The following SSU72 variants were observed in gnomAD, a reference collection of about 807,000 sequenced individuals.
The protein encoded by SSU72 is RNA polymerase II subunit A C-terminal domain phosphatase SSU72.
A neutral mutation model predicts 22.7 loss-of-function variants in SSU72; 12 were observed. That is an observed-to-expected ratio of 0.53 (90% CI 0.34 to 0.86). SSU72 has a LOEUF of 0.86. Among genes scored for constraint, SSU72 ranks in the 40% least tolerant of loss-of-function variants. The pLI is 0.02. For synonymous variants in SSU72, 116 were observed against 98.3 expected, an observed-to-expected ratio of 1.18 and a Z score of -1.06; for missense variants, 151 against 249.8, an observed-to-expected ratio of 0.60 and a Z score of 2.67.
chr1:1,566,697 A>G (rs1262044253), intron 1 of SSU72, among the ~76,000 whole-genome samples: 1 of 152,124 alleles, frequency 6.6e-6, no homozygotes, highest in Non-Finnish European at 1.5e-5. Context: ...CTAAAAATAC[A>G]AAAAATTAGG....
At chr1:1,544,834 C>T (rs1229636884) in intron 3 of SSU72, 29 bp downstream of exon 3, 2 of 1,613,832 alleles carry the variant, frequency 1.2e-6, no homozygotes, top group African/African-American at 1.3e-5. Flanking sequence ...GCTGCTGGAG[C>T]CCAGCCCAGC....
chr1:1,550,546 T>C (rs1035744713), intron 2 of SSU72, among the ~76,000 whole-genome samples: 14 of 152,196 alleles, frequency 9.2e-5, no homozygotes, highest in African/African-American at 3.4e-4. Flanking sequence ...GCCTGGGCCC[T>C]TGCCTCTCGC....
At chr1:1,549,851 G>A (rs1642435717) in intron 2 of SSU72, among the ~76,000 whole-genome samples, 1 of 151,994 alleles carries the variant, frequency 6.6e-6, no homozygotes, top group East Asian at 1.9e-4. Context: ...GCGGGTGCCT[G>A]TAATCCCACT....
intron 1 of SSU72, among the ~76,000 whole-genome samples, chr1:1,571,586 G>A (rs1446918507): frequency 1.3e-5 from 2 of 151,920 alleles, no homozygotes; most frequent in Non-Finnish European, 2.9e-5. Flanking sequence ...GAATGATGGC[G>A]GCACAGGTAA....
intron 2 of SSU72, among the ~76,000 whole-genome samples, chr1:1,559,995 G>A (rs1642567616): frequency 6.6e-6 from 1 of 152,136 alleles, no homozygotes; most frequent in African/African-American, 2.4e-5. Flanking sequence ...AAAGTGCTGG[G>A]ATTACAGGCA....
At chr1:1,574,452 G>T (rs767599202) in intron 1 of SSU72, 26 bp downstream of exon 1, 13 of 1,581,398 alleles carry the variant, frequency 8.2e-6, no homozygotes, top group Non-Finnish European at 1.1e-5. Flanking sequence ...AGCAGAGCGC[G>T]CGGGGACAGG....
chr1:1,541,841 GAAA>G lies in SSU72; in HGVS notation c.*222_*224del. On this transcript the variant is annotated 3_prime_UTR_variant, in exon 5 of 5. Coordinates refer to ENST00000291386, the MANE Select transcript of SSU72 (RefSeq NM_014188.3). ...TTGTCTTTCCTTTTTGGTTAAAGAA[GAAA>G]AACTTTGTAATCAATATCCTGCTCA... 1.9e-6 allele frequency: 1 copy of G among 537,232 alleles called. No homozygotes were observed. Among genetic ancestry groups the G allele is most frequent in the Non-Finnish European group, 3.3e-6 (1 of 298,626 alleles). 33.3% of individuals were successfully genotyped at this position (537,232 alleles called of 1,614,324 possible).
intron 2 of SSU72, 80 bp downstream of exon 2, chr1:1,564,693 C>T (rs1383882804): frequency 6.2e-7 from 1 of 1,614,116 alleles, no homozygotes; most frequent in South Asian, 1.1e-5. Flanking sequence ...GGGTGACACG[C>T]CTCCTGTGCC....
At chr1:1,566,827 C>G (rs944544339) in intron 1 of SSU72, among the ~76,000 whole-genome samples, 1 of 150,994 alleles carries the variant, frequency 6.6e-6, no homozygotes, top group African/African-American at 2.4e-5. Flanking sequence ...GCACTCCAGC[C>G]TGGGCGACAA....
At chr1:1,550,695 G>A (rs1642445878) in intron 2 of SSU72, among the ~76,000 whole-genome samples, 1 of 152,200 alleles carries the variant, frequency 6.6e-6, no homozygotes, top group African/African-American at 2.4e-5. Context: ...TTCTGTTGTG[G>A]GAGGAAGATG....
At chr1:1,551,517 C>A in intron 2 of SSU72, among the ~76,000 whole-genome samples, 1 of 151,876 alleles carries the variant, frequency 6.6e-6, no homozygotes, top group Non-Finnish European at 1.5e-5. Flanking sequence ...ATTCTACCTA[C>A]GTGTGTGTGC....
At chr1:1,573,517 G>A (rs1049533890) in intron 1 of SSU72, among the ~76,000 whole-genome samples, 1 of 151,984 alleles carries the variant, frequency 6.6e-6, no homozygotes, top group East Asian at 1.9e-4. Flanking sequence ...TGATTTTTGG[G>A]GGGTGTTTTT....
chr1:1,574,756 G>A lies in SSU72; in HGVS notation c.-199C>T, dbSNP rs1343751598. ...GGGCCGCGGACGGAGCGCAGGCACT[G>A]GCCTTCGGGCGCGCTGCACTCGGCG... On this transcript the variant is annotated 5_prime_UTR_variant, in exon 1 of 5. Transcript: ENST00000291386. 1.3e-5 allele frequency: 4 copies of A among 316,008 alleles called. No individual in the cohort carries two copies. Among genetic ancestry groups the A allele is most frequent in the Middle Eastern group, 1.0e-3 (1 of 972 alleles). 19.6% of individuals were successfully genotyped at this position (316,008 alleles called of 1,614,324 possible). A position where few individuals can be genotyped will look rare whatever the true frequency, so the allele number is the denominator to read the frequency against.
intron 2 of SSU72, 144 bp from the exon 3 acceptor site, chr1:1,545,146 C>T (rs1475930990): frequency 1.6e-5 from 15 of 947,260 alleles, no homozygotes; most frequent in South Asian, 3.2e-5. Flanking sequence ...GTGGGCCATG[C>T]CCTGGTGAGG....
chr1:1,564,923 G>A lies in SSU72; in HGVS notation c.81-7C>T, dbSNP rs1472124786. Reference sequence around the variant, plus strand: ...GACGCTGAATCCCCGTTTGCTGAAAGACAAAAGGAGAGAAAGAATCACAGT... The same window carrying A: ...GACGCTGAATCCCCGTTTGCTGAAAAACAAAAGGAGAGAAAGAATCACAGT... On this transcript the variant is annotated splice_polypyrimidine_tract_variant and splice_region_variant and intron_variant, in intron 1 of 4. Coordinates refer to ENST00000291386, the MANE Select transcript of SSU72 (RefSeq NM_014188.3). 5.1e-6 allele frequency: 8 copies of A among 1,584,048 alleles called. No homozygotes were observed. The highest frequency in any genetic ancestry group is 1.4e-5 in the African/African-American group (1 of 73,732).
At chr1:1,565,032 G>A in intron 1 of SSU72, 116 bp from the exon 2 acceptor site, 1 of 1,366,120 alleles carries the variant, frequency 7.3e-7, no homozygotes, top group Non-Finnish European at 9.8e-7. Flanking sequence ...TCATAGTAGA[G>A]AATATGTCTT....
At chr1:1,570,659 T>A (rs975892335) in intron 1 of SSU72, among the ~76,000 whole-genome samples, 3 of 152,104 alleles carry the variant, frequency 2.0e-5, no homozygotes, top group African/African-American at 7.2e-5. Flanking sequence ...AAATAAGCCA[T>A]CTCGTGGCAA....
chr1:1,568,998 C>A (rs1470220430), intron 1 of SSU72, among the ~76,000 whole-genome samples: 1 of 152,072 alleles, frequency 6.6e-6, no homozygotes, highest in African/African-American at 2.4e-5. Flanking sequence ...ATGGTGAAAC[C>A]CCGTCTCTAC....
At chr1:1,562,431 A>G (rs1642604989) in intron 2 of SSU72, 1 of 152,286 alleles carries the variant, frequency 6.6e-6, no homozygotes, top group South Asian at 2.1e-4. Flanking sequence ...GCCCCAAACC[A>G]GACTCTTGAG....
Sources: gnomAD v4.1 joint callset for allele counts (sites outside exome capture counted in the v4.1 genomes callset) on GRCh38, gnomAD v4.1.1 for gene constraint, MANE v1.5 for transcripts, NCBI Gene and HGNC (gene_info 2026-07-23, HGNC 2026-07-21) for gene names.